Variants in WDPCP observed in about 807,000 individuals in gnomAD.
The protein encoded by WDPCP is WD repeat containing planar cell polarity effector.
A neutral mutation model predicts 93.1 loss-of-function variants in WDPCP; 71 were observed. That is an observed-to-expected ratio of 0.76 (90% CI 0.63 to 0.93). WDPCP has a LOEUF of 0.93. Among genes scored for constraint, WDPCP ranks in the 40% least tolerant of loss-of-function variants. WDPCP has a pLI of 0.00. For synonymous variants in WDPCP, 315 were observed against 315.0 expected (o/e 1.00, Z 0.00); for missense variants, 844 against 887.4 (o/e 0.95, Z 0.62).
At chr2:63,163,071 A>T (rs1294378733) in intron 15 of WDPCP, among the ~76,000 whole-genome samples, 1 of 152,174 alleles carries the variant, frequency 6.6e-6, no homozygotes, top group Non-Finnish European at 1.5e-5. Flanking sequence ...TTCTTGAGAC[A>T]TATTAAAGCC....
chr2:63,571,201 G>A lies in WDPCP; in HGVS notation c.75+16996C>T, dbSNP rs188158893. Among the ~76,000 whole-genome samples, 26 of 152,200 alleles carry A rather than the reference G, an allele frequency of 1.7e-4. No homozygotes were observed. In the East Asian group the frequency reaches 2.3e-3, roughly 14 times the overall value. ...GCTGGGATTACAGGCATAAGCCACC[G>A]CGCCTGGTCAGGGTAAATTATTTAA... On this transcript the variant is annotated intron_variant, in intron 1 of 17. Coordinates refer to ENST00000272321, the MANE Select transcript of WDPCP (RefSeq NM_015910.7).
At chr2:63,589,549 C>G (rs564397905), upstream of WDPCP, among the ~76,000 whole-genome samples, 1 of 152,202 alleles carries the variant, frequency 6.6e-6, no homozygotes, top group Non-Finnish European at 1.5e-5. Context: ...AGACGTGTTT[C>G]CGCCATATCT....
chr2:63,774,926 A>G (rs7582457), intron 2 of WDPCP, among the ~76,000 whole-genome samples: 7,701 of 152,210 alleles, frequency 0.051, 356 homozygotes, highest in African/African-American at 0.11. Flanking sequence ...AAGTCACATC[A>G]ATCTCATGCT....
intron 3 of WDPCP, among the ~76,000 whole-genome samples, chr2:63,641,128 T>A (rs1443076690): frequency 6.6e-6 from 1 of 152,218 alleles, no homozygotes; most frequent in African/African-American, 2.4e-5. Flanking sequence ...GTTCCATCCA[T>A]GTTGTTCCAA....
intron 13 of WDPCP, among the ~76,000 whole-genome samples, chr2:63,309,243 G>A (rs1408188002): frequency 6.6e-6 from 1 of 152,110 alleles, no homozygotes; most frequent in East Asian, 1.9e-4. Flanking sequence ...ATGTACTTCT[G>A]AATGTAAAAC....
chr2:63,554,347 A>G (rs1705908518), intron 1 of WDPCP, among the ~76,000 whole-genome samples: 1 of 152,170 alleles, frequency 6.6e-6, no homozygotes, highest in South Asian at 2.1e-4. Flanking sequence ...AACTTGTCCC[A>G]TTATTGGGGT....
intron 3 of WDPCP, among the ~76,000 whole-genome samples, chr2:63,617,793 A>C (rs1709688665): frequency 6.6e-6 from 1 of 152,174 alleles, no homozygotes; most frequent in Admixed American, 6.5e-5. Context: ...AGTTGAGATA[A>C]AGAGTTGGTT....
chr2:63,123,817 T>C (rs1019960828), intron 17 of WDPCP, among the ~76,000 whole-genome samples: 2 of 151,614 alleles, frequency 1.3e-5, no homozygotes, highest in African/African-American at 4.8e-5. Context: ...TTGCTTCTAG[T>C]CTCTTTTTCT....
chr2:63,547,689 C>G (rs1484596240), intron 1 of WDPCP, among the ~76,000 whole-genome samples: 1 of 149,828 alleles, frequency 6.7e-6, no homozygotes, highest in Non-Finnish European at 1.5e-5. Flanking sequence ...GTGAAGTAAG[C>G]CAAGCAGAGA....
chr2:63,790,229 A>G (rs1670526682), intron 2 of WDPCP, among the ~76,000 whole-genome samples: 1 of 152,210 alleles, frequency 6.6e-6, no homozygotes, highest in African/African-American at 2.4e-5. Context: ...GTCCTCACTC[A>G]AGGTGCTGGG....
intron 2 of WDPCP, among the ~76,000 whole-genome samples, chr2:63,714,304 GT>G (rs1008503769): frequency 6.6e-6 from 1 of 151,872 alleles, no homozygotes; most frequent in African/African-American, 2.4e-5. Context: ...CTGACCTCAG[GT>G]GATCCACCCG....
intron 13 of WDPCP, among the ~76,000 whole-genome samples, chr2:63,291,963 C>A (rs1476294808): frequency 2.6e-5 from 4 of 151,552 alleles, no homozygotes; most frequent in Admixed American, 2.6e-4. Context: ...GAAACCCCGT[C>A]TGTACTAAAA....
intron 10 of WDPCP, among the ~76,000 whole-genome samples, chr2:63,390,564 A>G (rs553808254): frequency 1.4e-4 from 21 of 152,238 alleles, no homozygotes; most frequent in African/African-American, 4.6e-4. Context: ...CAGAACTGAA[A>G]GAGATAGAGA....
rs191602125 is a variant in WDPCP at position 63,668,374 on chromosome 2, C to A, written n.309-17536G>T. 1.8e-4 allele frequency among the ~76,000 whole-genome samples: 27 copies of A among 152,280 alleles called. No individual in the cohort carries two copies. The East Asian group carries it at 5.2e-3, about 29-fold the overall frequency. ...CCATAAACCAATTGTTTTACAATAA[C>A]CAGCAGGAAAGTTTTAGCTCATATT... is the stretch of plus-strand genomic sequence containing the variant. On this transcript the variant is annotated intron_variant and non_coding_transcript_variant, in intron 2 of 4. Coordinates refer to the WDPCP transcript ENST00000467687.
intron 2 of WDPCP, among the ~76,000 whole-genome samples, chr2:63,708,203 T>C (rs1669198920): frequency 6.6e-6 from 1 of 152,210 alleles, no homozygotes; most frequent in Non-Finnish European, 1.5e-5. Context: ...GTCTTTTGTT[T>C]GTCTGTGCCC....
chr2:63,351,106 C>G (rs556888819), intron 12 of WDPCP, among the ~76,000 whole-genome samples: 2 of 152,094 alleles, frequency 1.3e-5, no homozygotes, highest in South Asian at 4.2e-4. Flanking sequence ...CTCGGCCTCT[C>G]AAGTAGCTGG....
chr2:63,632,669 T>C (rs1478697266), intron 3 of WDPCP, among the ~76,000 whole-genome samples: 1 of 151,964 alleles, frequency 6.6e-6, no homozygotes, highest in Non-Finnish European at 1.5e-5. Context: ...AATTATCCAG[T>C]TAGGGAAATA....
At chr2:63,164,769 AAG>A (rs1308184992) in intron 15 of WDPCP, among the ~76,000 whole-genome samples, 2 of 152,180 alleles carry the variant, frequency 1.3e-5, no homozygotes, top group African/African-American at 4.8e-5. Flanking sequence ...ACAAAGGAGC[AAG>A]AGAGAGGAAT....
At chr2:63,371,764 G>T (rs1213979902) in intron 12 of WDPCP, among the ~76,000 whole-genome samples, 2 of 152,108 alleles carry the variant, frequency 1.3e-5, no homozygotes, top group Non-Finnish European at 2.9e-5. Context: ...TGAGATGAAT[G>T]AGGGAGAACA....
Sources: gnomAD v4.1 joint callset for allele counts (sites outside exome capture counted in the v4.1 genomes callset) on GRCh38, gnomAD v4.1.1 for gene constraint, MANE v1.5 for transcripts, NCBI Gene and HGNC (gene_info 2026-07-23, HGNC 2026-07-21) for gene names.